Variants in CPA6 observed in about 807,000 individuals in gnomAD.
CPA6 encodes carboxypeptidase B.
CPA6 carries 58 observed loss-of-function variants against 63.3 expected under a neutral mutation model. That is an observed-to-expected ratio of 0.92 (90% CI 0.74 to 1.14). CPA6 has a LOEUF of 1.14. Ranked by LOEUF, CPA6 falls within the 50% of genes most tolerant of loss-of-function variation. The pLI, the probability that CPA6 is intolerant of heterozygous loss-of-function variation, is 0.00. For missense variants in CPA6, 565 were observed against 526.6 expected (o/e 1.07, Z -0.71); for synonymous variants, 185 against 179.0 (o/e 1.03, Z -0.27).
At chr8:67,584,282 T>C (rs991253748) in intron 2 of CPA6, among the ~76,000 whole-genome samples, 1 of 152,164 alleles carries the variant, frequency 6.6e-6, no homozygotes, top group African/African-American at 2.4e-5. Context: ...TAAGTGCAAG[T>C]GTGCCGATAA....
chr8:67,680,059 C>T (rs1816559887), intron 1 of CPA6, among the ~76,000 whole-genome samples: 1 of 152,178 alleles, frequency 6.6e-6, no homozygotes, highest in Admixed American at 6.5e-5. Context: ...TCTTAAAATG[C>T]ATTTCCCCCA....
At chr8:67,498,869 G>T (rs1811776213) in intron 6 of CPA6, among the ~76,000 whole-genome samples, 1 of 152,148 alleles carries the variant, frequency 6.6e-6, no homozygotes, top group African/African-American at 2.4e-5. Context: ...AAGAGAGGTA[G>T]CATGTACTGC....
At chr8:67,712,466 C>T (rs1378475304) in intron 1 of CPA6, among the ~76,000 whole-genome samples, 1 of 152,102 alleles carries the variant, frequency 6.6e-6, no homozygotes, top group Admixed American at 6.5e-5. Context: ...GGATCTGCCA[C>T]AGGGTAGGAC....
At chr8:67,621,493 C>A (rs779393417) in intron 2 of CPA6, among the ~76,000 whole-genome samples, 3 of 152,150 alleles carry the variant, frequency 2.0e-5, no homozygotes, top group Admixed American at 6.5e-5. Flanking sequence ...AAGAGGCAGG[C>A]CTCATTTGGG....
chr8:67,475,828 T>G (rs1344033921), intron 8 of CPA6, among the ~76,000 whole-genome samples: 1 of 52,558 alleles, frequency 1.9e-5, no homozygotes, highest in African/African-American at 8.1e-5. Context: ...CTTTCTTTTC[T>G]TTCTTTCTTT....
intron 8 of CPA6, among the ~76,000 whole-genome samples, chr8:67,459,490 T>C (rs1194965227): frequency 6.6e-6 from 1 of 152,174 alleles, no homozygotes; most frequent in Non-Finnish European, 1.5e-5. Flanking sequence ...TAAACGTGTG[T>C]TACTAAGTGA....
intron 1 of CPA6, among the ~76,000 whole-genome samples, chr8:67,626,974 A>C (rs1288409926): frequency 6.6e-6 from 1 of 152,144 alleles, no homozygotes; most frequent in Non-Finnish European, 1.5e-5. Context: ...TTTAACCCTG[A>C]AAGTGATTGC....
intron 1 of CPA6, among the ~76,000 whole-genome samples, chr8:67,728,556 A>G (rs932539959): frequency 6.6e-6 from 1 of 152,230 alleles, no homozygotes; most frequent in Non-Finnish European, 1.5e-5. Flanking sequence ...AATTGATAAC[A>G]AACGTCTTTC....
At chr8:67,497,614 G>T (rs1180114730) in intron 6 of CPA6, among the ~76,000 whole-genome samples, 6 of 152,176 alleles carry the variant, frequency 3.9e-5, no homozygotes, top group African/African-American at 1.4e-4. Context: ...GAATTTTGGG[G>T]TCACATAGTA....
At chr8:67,544,559 G>A (rs138941258) in intron 2 of CPA6, among the ~76,000 whole-genome samples, 95 of 152,272 alleles carry the variant, frequency 6.2e-4, no homozygotes, top group Non-Finnish European at 1.0e-3. Flanking sequence ...CCATATCCTC[G>A]AGGAGTTGAG....
Position 67,477,600 on chromosome 8 carries a change from A to G in CPA6, c.838+6168T>C, listed in dbSNP as rs930865240. ...GGGCTCAATACACTCATTTGGATAT[A>G]AAAGTGGATTAATGTATGTTAGAGT... On this transcript the variant is annotated intron_variant, in intron 8 of 10. Transcript: ENST00000297770. 4.6e-5 allele frequency among the ~76,000 whole-genome samples: 7 copies of G among 152,306 alleles called. No homozygotes were observed. The East Asian group carries it at 1.2e-3, about 25-fold the overall frequency.
intron 1 of CPA6, among the ~76,000 whole-genome samples, chr8:67,727,834 T>A (rs1817627279): frequency 6.6e-6 from 1 of 151,870 alleles, no homozygotes; most frequent in Admixed American, 6.6e-5. Context: ...ATCCCAGCAC[T>A]TTGGGAGGCT....
chr8:67,646,774 G>A (rs976377146), intron 1 of CPA6, among the ~76,000 whole-genome samples: 1 of 152,092 alleles, frequency 6.6e-6, no homozygotes, highest in Admixed American at 6.6e-5. Flanking sequence ...AGGGAAGAGG[G>A]CTCCAGGCAA....
intron 2 of CPA6, among the ~76,000 whole-genome samples, chr8:67,594,188 C>G (rs1286109449): frequency 6.6e-6 from 1 of 152,170 alleles, no homozygotes; most frequent in Non-Finnish European, 1.5e-5. Flanking sequence ...AAATTCTTTT[C>G]TTTAAGAATG....
chr8:67,713,916 G>C (rs1817325236), intron 1 of CPA6, among the ~76,000 whole-genome samples: 2 of 152,092 alleles, frequency 1.3e-5, no homozygotes, highest in Admixed American at 1.3e-4. Context: ...TTAGCACAGG[G>C]ACTAAGCTGA....
chr8:67,600,240 T>C (rs906324706), intron 2 of CPA6, among the ~76,000 whole-genome samples: 1 of 151,764 alleles, frequency 6.6e-6, no homozygotes, highest in African/African-American at 2.4e-5. Flanking sequence ...GGACGTTATA[T>C]TAAGTGAAAT....
At chr8:67,644,727 CAT>C (rs1445437104) in intron 1 of CPA6, among the ~76,000 whole-genome samples, 3 of 152,130 alleles carry the variant, frequency 2.0e-5, no homozygotes, top group Admixed American at 6.5e-5. Context: ...TTGGCTTGCA[CAT>C]GTCAGGAGCA....
intron 2 of CPA6, among the ~76,000 whole-genome samples, chr8:67,592,065 A>G (rs1050123846): frequency 1.3e-5 from 2 of 152,324 alleles, no homozygotes; most frequent in Non-Finnish European, 2.9e-5. Context: ...CATCCCATCA[A>G]TACCCAATTT....
chr8:67,624,270 AAGATGAT>A lies in CPA6; in HGVS notation c.117-26_117-20del. 7.6e-7 allele frequency: 1 copy of A among 1,320,094 alleles called. No homozygotes were observed. The highest frequency in any genetic ancestry group is 1.1e-6 in the Non-Finnish European group (1 of 929,222). 81.8% of individuals were successfully genotyped at this position (1,320,094 alleles called of 1,614,324 possible). On this transcript the variant is annotated intron_variant, in intron 1 of 10. Transcript: ENST00000297770. ...TTTATCACTACAAGATAAGAAAAGA[AAGATGAT>A]AATTACTTTTCGAAAATAAAGATAT...
Sources: gnomAD v4.1 joint callset for allele counts (sites outside exome capture counted in the v4.1 genomes callset) on GRCh38, gnomAD v4.1.1 for gene constraint, MANE v1.5 for transcripts, NCBI Gene and HGNC (gene_info 2026-07-23, HGNC 2026-07-21) for gene names.